The following CFAP70 variants were observed in gnomAD, a reference collection of about 807,000 sequenced individuals.
CFAP70 encodes cilia- and flagella-associated protein 70.
CFAP70 carries 81 observed loss-of-function variants against 137.6 expected under a neutral mutation model. That is an observed-to-expected ratio of 0.59 (90% CI 0.49 to 0.71). CFAP70 has a LOEUF of 0.71. Ranked by LOEUF, CFAP70 falls within the 30% of genes least tolerant of loss-of-function variation. The pLI is 0.00. For synonymous variants in CFAP70, 382 were observed against 423.6 expected, an observed-to-expected ratio of 0.90 and a Z score of 1.20; for missense variants, 976 against 1,226.7, an observed-to-expected ratio of 0.80 and a Z score of 3.05.
exon 17 of CFAP70, chr10:73,291,891 G>T (rs2048207475): frequency 6.2e-7 from 1 of 1,614,008 alleles, no homozygotes; most frequent in South Asian, 1.1e-5. Context: ...CTGTGGATAT[G>T]ACTCTGGTTG....
In CFAP70 at chr10:73,289,642, T is replaced by C. The variant is rs540909318; in HGVS notation, c.2239+1584A>G. 1.6e-4 allele frequency among the ~76,000 whole-genome samples: 24 copies of C among 152,278 alleles called. No individual in the cohort carries two copies. In the South Asian group the frequency reaches 5.0e-3, roughly 32 times the overall value. ...GTAACAAAACCAAAACCTGGTTCTT[T>C]GAAAAGATTATGTTAGGCCTTTGTC... On this transcript the variant is annotated intron_variant, in intron 19 of 26. Coordinates refer to ENST00000310715, the Ensembl canonical transcript of CFAP70.
chr10:73,274,407 G>A lies in CFAP70; in HGVS notation c.2835+26C>T, dbSNP rs1297261516. 3.1e-6 allele frequency: 5 copies of A among 1,593,990 alleles called. No homozygotes were observed. In the South Asian group the frequency reaches 5.7e-5, roughly 18 times the overall value. On this transcript the variant is annotated intron_variant, in intron 23 of 26. Transcript: ENST00000310715. The stretch of plus-strand genomic sequence containing the variant: ...TTACAATTAGTTCCCAGACCACGGG[G>A]TTATTCCCCATTCTCTACCCCTCAC...
intron 12 of CFAP70, among the ~76,000 whole-genome samples, chr10:73,309,538 C>T (rs1325545997): frequency 6.6e-6 from 1 of 152,038 alleles, no homozygotes; most frequent in Non-Finnish European, 1.5e-5. Context: ...AACCTCTGGG[C>T]TCAAGTGATC....
intron 3 of CFAP70, among the ~76,000 whole-genome samples, chr10:73,351,778 CTT>C (rs1335216941): frequency 6.6e-6 from 1 of 152,184 alleles, no homozygotes; most frequent in African/African-American, 2.4e-5. Context: ...TTTGGAATGA[CTT>C]ATGGTTTTAA....
rs549133094 is a variant in CFAP70 at position 73,299,665 on chromosome 10, C to G, written c.1257G>C (p.Arg419Ser). 3.4e-5 allele frequency: 55 copies of G among 1,609,846 alleles called. No individual in the cohort carries two copies. The South Asian group carries it at 5.7e-4, about 17-fold the overall frequency. The change falls in exon 13 of 27, where the codon AGG becomes AGC. Residue 419 changes from arginine to serine, a missense_variant and splice_region_variant. Transcript: ENST00000310715. ...GCCTTGGAGGAATCATTTCCTTGAC[C>G]CTGTATCAGGAAAGAAAAAAAATAA...
At chr10:73,339,297 T>C (rs750191160) in intron 6 of CFAP70, among the ~76,000 whole-genome samples, 4 of 152,242 alleles carry the variant, frequency 2.6e-5, no homozygotes, top group African/African-American at 7.2e-5. Flanking sequence ...CAAGGAAACC[T>C]TTTCTTTACT....
chr10:73,335,883 G>A (rs2052599166), intron 6 of CFAP70, among the ~76,000 whole-genome samples: 3 of 150,250 alleles, frequency 2.0e-5, no homozygotes, highest in Admixed American at 2.0e-4. Context: ...GCTCACACCT[G>A]TAATCCCAAC....
exon 20 of CFAP70, chr10:73,278,264 T>C: frequency 1.2e-6 from 2 of 1,614,068 alleles, no homozygotes; most frequent in Non-Finnish European, 1.7e-6. Flanking sequence ...TCAAAATGGG[T>C]TCTTGTGAAT....
chr10:73,284,689 G>A (rs1346718079), intron 19 of CFAP70, among the ~76,000 whole-genome samples: 2 of 113,316 alleles, frequency 1.8e-5, no homozygotes, highest in African/African-American at 6.6e-5. Context: ...AATGGTTGCT[G>A]TTAAGACAGA....
chr10:73,351,045 A>G (rs182095989), intron 3 of CFAP70, among the ~76,000 whole-genome samples: 4,922 of 68,620 alleles, frequency 0.072, 599 homozygotes, highest in African/African-American at 0.21. Context: ...GTGTGTATAT[A>G]TGTGTGTGTG....
chr10:73,322,027 GCCTGCCTCT>G (rs1378801886), intron 9 of CFAP70, among the ~76,000 whole-genome samples: 2 of 152,102 alleles, frequency 1.3e-5, no homozygotes, highest in African/African-American at 4.8e-5. Flanking sequence ...CAGGCAATCT[GCCTGCCTCT>G]GCCTCCCACA....
At chr10:73,306,624 T>C (rs1426836247) in intron 12 of CFAP70, among the ~76,000 whole-genome samples, 2 of 152,204 alleles carry the variant, frequency 1.3e-5, no homozygotes, top group East Asian at 1.9e-4. Context: ...TCCCAGCACT[T>C]TGGGAGGCTG....
chr10:73,286,071 T>C (rs1036129767), intron 19 of CFAP70, among the ~76,000 whole-genome samples: 2 of 152,054 alleles, frequency 1.3e-5, no homozygotes, highest in Admixed American at 1.3e-4. Context: ...CAGAAGGAAT[T>C]TGAGTTGAGA....
intron 15 of CFAP70, chr10:73,293,972 T>C (rs1026399691): frequency 2.0e-5 from 3 of 152,126 alleles, no homozygotes; most frequent in African/African-American, 7.2e-5. Flanking sequence ...CTGGTGTAAT[T>C]AGGAATCTCC....
chr10:73,335,168 T>C, intron 7 of CFAP70, among the ~76,000 whole-genome samples: 1 of 151,050 alleles, frequency 6.6e-6, no homozygotes. Context: ...GCTGGCATTA[T>C]AGGCATGAGC....
Position 73,356,701 on chromosome 10 carries a change from A to G in CFAP70, c.-39-1866T>C, listed in dbSNP as rs115865884. On this transcript the variant is annotated intron_variant, in intron 1 of 26. Coordinates refer to ENST00000310715, the Ensembl canonical transcript of CFAP70. Reference sequence around the variant, plus strand: ...TCAACAACATATTTCTGGGCTCTTTAAGGGCTTTAGTGGCACTGACAACTT... The same window carrying G: ...TCAACAACATATTTCTGGGCTCTTTGAGGGCTTTAGTGGCACTGACAACTT... Among the ~76,000 whole-genome samples the G allele has an allele frequency of 8.0e-3, 1,211 of 152,306 alleles. 17 individuals carry two copies. The highest frequency in any genetic ancestry group is 0.027 in the African/African-American group (1,132 of 41,562).
intron 12 of CFAP70, among the ~76,000 whole-genome samples, chr10:73,306,568 A>C (rs571813761): frequency 1.3e-5 from 2 of 152,298 alleles, no homozygotes; most frequent in South Asian, 4.1e-4. Flanking sequence ...AAAGAAAAAA[A>C]AATTGACAAC....
intron 9 of CFAP70, among the ~76,000 whole-genome samples, chr10:73,316,615 T>C (rs1022104826): frequency 4.6e-5 from 7 of 151,244 alleles, no homozygotes; most frequent in Admixed American, 1.3e-4. Flanking sequence ...AGTGGTTACT[T>C]AGGATTACAA....
intron 21 of CFAP70, chr10:73,276,566 A>C (rs2131753877): frequency 6.6e-6 from 1 of 152,340 alleles, no homozygotes. Context: ...AATCCCACCC[A>C]GTTAATAATT....
Sources: gnomAD v4.1 joint callset for allele counts (sites outside exome capture counted in the v4.1 genomes callset) on GRCh38, gnomAD v4.1.1 for gene constraint, MANE v1.5 for transcripts, NCBI Gene and HGNC (gene_info 2026-07-23, HGNC 2026-07-21) for gene names.